The following OTUD7A variants were observed in gnomAD, a reference collection of about 807,000 sequenced individuals.
OTUD7A encodes the protein OTU domain-containing protein 7A.
Under a neutral mutation model 65.7 loss-of-function variants are expected in OTUD7A, and 12 were observed. The ratio of observed to expected loss-of-function variants is 0.18; its 90% CI spans 0.12 to 0.30. OTUD7A has a LOEUF of 0.30. OTUD7A is among the 10% of genes least tolerant of loss of function. The pLI, the probability that OTUD7A is intolerant of heterozygous loss-of-function variation, is 1.00. For synonymous variants in OTUD7A, 641 were observed against 586.3 expected (o/e 1.09, Z -1.35); for missense variants, 1,148 against 1,304.8 (o/e 0.88, Z 1.85).
chr15:31,582,272 T>G (rs1889395680), intron 3 of OTUD7A, among the ~76,000 whole-genome samples: 1 of 152,236 alleles, frequency 6.6e-6, no homozygotes, highest in Non-Finnish European at 1.5e-5. Flanking sequence ...TCAAAGCCAT[T>G]CAGCAAGTCT....
chr15:31,764,384 T>C (rs1895047864), intron 1 of OTUD7A, among the ~76,000 whole-genome samples: 1 of 152,132 alleles, frequency 6.6e-6, no homozygotes, highest in East Asian at 1.9e-4. Flanking sequence ...TGAAATTACA[T>C]TGAGAAATGA....
chr15:31,779,854 G>A (rs748467512), intron 1 of OTUD7A, among the ~76,000 whole-genome samples: 4 of 152,066 alleles, frequency 2.6e-5, no homozygotes, highest in Admixed American at 6.5e-5. Flanking sequence ...GGTAAGATGG[G>A]GGTTTGGAAC....
chr15:31,741,502 T>C (rs936356684), intron 1 of OTUD7A, among the ~76,000 whole-genome samples: 20 of 152,164 alleles, frequency 1.3e-4, no homozygotes, highest in African/African-American at 4.6e-4. Context: ...TACACATAGA[T>C]ATTTAATATT....
chr15:31,767,511 A>T (rs890508508), intron 1 of OTUD7A: 7 of 771,846 alleles, frequency 9.1e-6, no homozygotes, highest in Non-Finnish European at 1.5e-5. Context: ...TTTGTTTTGT[A>T]GTATAACTAC....
At chr15:31,851,782 A>C (rs1840539603) in intron 1 of OTUD7A, among the ~76,000 whole-genome samples, 1 of 152,220 alleles carries the variant, frequency 6.6e-6, no homozygotes, top group South Asian at 2.1e-4. Context: ...TGAACTCTAC[A>C]AACTTGGAGG....
intron 1 of OTUD7A, among the ~76,000 whole-genome samples, chr15:31,669,866 T>G (rs1892434925): frequency 6.6e-6 from 1 of 151,238 alleles, no homozygotes; most frequent in Admixed American, 6.6e-5. Flanking sequence ...TTCTTTAAAC[T>G]GACTCAGCTC....
intron 5 of OTUD7A, chr15:31,557,418 T>A (rs1888532752): frequency 6.6e-6 from 1 of 152,284 alleles, no homozygotes; most frequent in African/African-American, 2.4e-5. Context: ...GAGGGTGACC[T>A]GCGTGGACCA....
At chr15:31,588,769 C>T (rs943169976) in intron 3 of OTUD7A, among the ~76,000 whole-genome samples, 14 of 152,190 alleles carry the variant, frequency 9.2e-5, no homozygotes, top group African/African-American at 2.9e-4. Flanking sequence ...GCTGCCTGGG[C>T]GGCAGCAGCC....
chr15:31,845,799 G>A (rs1257669444), intron 1 of OTUD7A, among the ~76,000 whole-genome samples: 1 of 152,258 alleles, frequency 6.6e-6, no homozygotes, highest in Non-Finnish European at 1.5e-5. Flanking sequence ...GCCTGAGTGA[G>A]CATGGAGCAC....
chr15:31,760,925 T>G (rs1354091665), intron 1 of OTUD7A, among the ~76,000 whole-genome samples: 1 of 151,998 alleles, frequency 6.6e-6, no homozygotes, highest in African/African-American at 2.4e-5. Context: ...TTTGGGTTTT[T>G]TTGTTTTTTT....
chr15:31,608,565 T>C (rs1393180078), intron 3 of OTUD7A, among the ~76,000 whole-genome samples: 1 of 152,180 alleles, frequency 6.6e-6, no homozygotes, highest in Admixed American at 6.5e-5. Context: ...GCTCCTCAAC[T>C]TGCCATGGAG....
chr15:31,803,375 CT>C lies in OTUD7A; in HGVS notation c.-100+67131del, dbSNP rs1409218615. On this transcript the variant is annotated intron_variant, in intron 1 of 12. Coordinates refer to ENST00000307050, the MANE Select transcript of OTUD7A (RefSeq NM_001382637.1). ...TTTCTTACCTATTCACAAAACATTC[CT>C]TAAAGATTGTATATTTTAAGCTTGC... Among the ~76,000 whole-genome samples the C allele has an allele frequency of 4.6e-5, 7 of 152,168 alleles. 1 individual carries two copies. The highest frequency in any genetic ancestry group is 8.8e-5 in the Non-Finnish European group (6 of 68,022).
At chr15:31,514,485 TCTCC>T (rs1449921319) in intron 8 of OTUD7A, among the ~76,000 whole-genome samples, 1 of 152,222 alleles carries the variant, frequency 6.6e-6, no homozygotes, top group Non-Finnish European at 1.5e-5. Flanking sequence ...TTCATCTTTC[TCTCC>T]CTCTCAATAT....
intron 12 of OTUD7A, among the ~76,000 whole-genome samples, chr15:31,486,418 GACTCATGCCACTCCTTT>G (rs1566879329): frequency 6.6e-6 from 1 of 152,212 alleles, no homozygotes; most frequent in Non-Finnish European, 1.5e-5. Context: ...CCGACTCCTT[GACTCATGCCACTCCTTT>G]ACTAATTCTT....
chr15:31,656,646 C>T (rs1165717886), intron 2 of OTUD7A, among the ~76,000 whole-genome samples: 1 of 151,872 alleles, frequency 6.6e-6, no homozygotes, highest in African/African-American at 2.4e-5. Context: ...GTCCTCTGTT[C>T]TTTCTTTCAC....
intron 1 of OTUD7A, among the ~76,000 whole-genome samples, chr15:31,868,305 C>T (rs756290741): frequency 3.9e-5 from 6 of 152,168 alleles, no homozygotes; most frequent in Admixed American, 6.5e-5. Context: ...GGAAACACTT[C>T]CGTTTGAAGT....
At chr15:31,869,508 T>C (rs1367723578) in intron 1 of OTUD7A, among the ~76,000 whole-genome samples, 1 of 152,226 alleles carries the variant, frequency 6.6e-6, no homozygotes, top group Non-Finnish European at 1.5e-5. Flanking sequence ...CCCACTTCCA[T>C]TTACAAAGGT....
chr15:31,597,449 T>C (rs1010210701), intron 3 of OTUD7A, among the ~76,000 whole-genome samples: 2 of 152,082 alleles, frequency 1.3e-5, no homozygotes, highest in African/African-American at 2.4e-5. Flanking sequence ...GTATGCATGG[T>C]AGGAGGCAGA....
At chr15:31,859,481 T>A (rs1897664050) in intron 1 of OTUD7A, among the ~76,000 whole-genome samples, 1 of 152,244 alleles carries the variant, frequency 6.6e-6, no homozygotes, top group South Asian at 2.1e-4. Flanking sequence ...AAAATTATCA[T>A]TTGATCAAAT....
Sources: allele counts gnomAD v4.1 joint callset (sites outside exome capture counted in the v4.1 genomes callset), GRCh38; gene constraint gnomAD v4.1.1; transcripts MANE v1.5; gene names NCBI Gene and HGNC (gene_info 2026-07-23, HGNC 2026-07-21).